Variants in TBCE observed in about 807,000 individuals in gnomAD.
TBCE encodes tubulin folding cofactor E.
A neutral mutation model predicts 77.0 loss-of-function variants in TBCE; 53 were observed. The observed-to-expected ratio is 0.69, with a 90% CI of 0.55 to 0.87. The LOEUF (loss-of-function observed/expected upper bound fraction) is 0.87, where lower values mean the gene tolerates loss of function less well. Ranked by LOEUF, TBCE falls within the 40% of genes least tolerant of loss-of-function variation. TBCE has a pLI of 0.00. For synonymous variants in TBCE, 235 were observed against 241.3 expected, an observed-to-expected ratio of 0.97 and a Z score of 0.24; for missense variants, 624 against 622.4, an observed-to-expected ratio of 1.00 and a Z score of -0.03.
At chr1:235,419,604 G>A in intron 5 of TBCE, 43 bp downstream of exon 5, 1 of 1,612,124 alleles carries the variant, frequency 6.2e-7, no homozygotes, top group Admixed American at 1.7e-5. Flanking sequence ...TCTGACTATG[G>A]ATTTTATACC....
At chr1:235,387,620 C>G (rs1408956243) in intron 2 of TBCE, among the ~76,000 whole-genome samples, 1 of 152,192 alleles carries the variant, frequency 6.6e-6, no homozygotes, top group Non-Finnish European at 1.5e-5. Flanking sequence ...GGGATATAAT[C>G]TCCTGGTGTG....
At chr1:235,441,938 C>G in intron 14 of TBCE, 56 bp downstream of exon 14, 2 of 1,483,818 alleles carry the variant, frequency 1.3e-6, no homozygotes, top group South Asian at 2.3e-5. Context: ...GGTGCTGAAA[C>G]AGTTAGTGTG....
intron 3 of TBCE, 37 bp downstream of exon 3, chr1:235,401,624 C>G: frequency 6.5e-7 from 1 of 1,527,516 alleles, no homozygotes; most frequent in African/African-American, 1.4e-5. Context: ...GTCATTTAGT[C>G]AAGATTATAT....
chr1:235,402,071 T>C (rs1374740523), intron 3 of TBCE, among the ~76,000 whole-genome samples: 7 of 150,500 alleles, frequency 4.7e-5, no homozygotes, highest in Non-Finnish European at 8.9e-5. Context: ...TTGTCTTTTT[T>C]TTTTTTTTTT....
chr1:235,445,892 C>T (rs901239548), intron 15 of TBCE, among the ~76,000 whole-genome samples: 1 of 152,208 alleles, frequency 6.6e-6, no homozygotes, highest in Non-Finnish European at 1.5e-5. Flanking sequence ...TGGAACCACA[C>T]AGCACACAAG....
At chr1:235,432,766 C>T (rs1026715628) in intron 7 of TBCE, among the ~76,000 whole-genome samples, 3 of 151,818 alleles carry the variant, frequency 2.0e-5, no homozygotes, top group African/African-American at 7.3e-5. Flanking sequence ...GCCTATAATT[C>T]CAGCCAGCAC....
intron 1 of TBCE, among the ~76,000 whole-genome samples, chr1:235,368,714 T>G (rs1236237412): frequency 6.6e-6 from 1 of 151,674 alleles, no homozygotes; most frequent in Non-Finnish European, 1.5e-5. Context: ...TGTGCCACCA[T>G]GCCCAGCTAA....
chr1:235,415,348 A>C (rs2102884567), intron 4 of TBCE: 1 of 152,448 alleles, frequency 6.6e-6, no homozygotes, highest in South Asian at 2.1e-4. Flanking sequence ...GTATATTGTG[A>C]CTTTGTACAA....
At chr1:235,384,501 A>G (rs1480301588) in intron 2 of TBCE, among the ~76,000 whole-genome samples, 3 of 146,462 alleles carry the variant, frequency 2.0e-5, no homozygotes, top group African/African-American at 5.1e-5. Flanking sequence ...AGAGCCTGTT[A>G]TTGGTCTATT....
Position 235,379,963 on chromosome 1 carries a change from A to T in TBCE, c.-31-56A>T, listed in dbSNP as rs1036590219. On this transcript the variant is annotated intron_variant, in intron 1 of 16. Transcript: ENST00000642610. ...ACTGTGCCTCAAAAAAAAAAAAAAAAATTCCTTTAAAGGAATTGTATTAAG... is the reference window on the plus strand; with the variant it reads ...ACTGTGCCTCAAAAAAAAAAAAAAATATTCCTTTAAAGGAATTGTATTAAG... 6.5e-6 allele frequency: 8 copies of T among 1,237,434 alleles called. No homozygotes were observed. The East Asian group carries it at 1.3e-4, about 20-fold the overall frequency. The allele number at this position is 1,237,434 out of a possible 1,614,324, so 76.7% of individuals were successfully genotyped here.
chr1:235,387,466 C>T (rs1306916514), intron 2 of TBCE, among the ~76,000 whole-genome samples: 1 of 152,222 alleles, frequency 6.6e-6, no homozygotes, highest in African/African-American at 2.4e-5. Flanking sequence ...TTCGAGCTTC[C>T]CGGCTGCTTT....
In TBCE at chr1:235,432,916, A is replaced by AAT. The variant is rs1553338926; in HGVS notation, c.661-1288_661-1287insAT. ...ATATAATATATAATAATTTTTTGTA[A>AAT]TTTTTTTTTTTGTAAAAAAAAAAAA... On this transcript the variant is annotated intron_variant, in intron 7 of 16. Transcript: ENST00000642610. 24 of 807,300 alleles carry AAT rather than the reference A, an allele frequency of 3.0e-5. No individual in the cohort carries two copies. In the African/African-American group the frequency reaches 4.0e-4, roughly 13 times the overall value. 50.0% of individuals were successfully genotyped at this position (807,300 alleles called of 1,614,324 possible). A position where few individuals can be genotyped will look rare whatever the true frequency, so the allele number is the denominator to read the frequency against.
At chr1:235,369,877 G>A (rs1676802965) in intron 1 of TBCE, among the ~76,000 whole-genome samples, 2 of 150,376 alleles carry the variant, frequency 1.3e-5, no homozygotes, top group African/African-American at 2.4e-5. Flanking sequence ...ATTATTCATC[G>A]AAGGTCCTAT....
intron 6 of TBCE, chr1:235,428,986 T>TATATA (rs71174430): frequency 2.7e-4 from 18 of 65,972 alleles, no homozygotes; most frequent in South Asian, 1.2e-3. Flanking sequence ...TATATATATA[T>TATATA]TTTTTTTTTT....
At chr1:235,439,949 A>C (rs925392972) in intron 13 of TBCE, among the ~76,000 whole-genome samples, 5 of 146,674 alleles carry the variant, frequency 3.4e-5, no homozygotes, top group African/African-American at 5.1e-5. Context: ...CTACAGGCGC[A>C]CACCACCATG....
intron 5 of TBCE, among the ~76,000 whole-genome samples, chr1:235,422,649 G>A (rs1197388862): frequency 1.3e-5 from 2 of 152,138 alleles, no homozygotes; most frequent in Non-Finnish European, 2.9e-5. Context: ...GGCCAACGCG[G>A]TGAAACCCCA....
In TBCE at chr1:235,448,762, A is replaced by ACAAC; in HGVS notation, c.*5_*8dup. The ACAAC allele has an allele frequency of 6.2e-7, 1 of 1,604,084 alleles. No homozygotes were observed. The highest frequency in any genetic ancestry group is 8.5e-7 in the Non-Finnish European group (1 of 1,171,140). On this transcript the variant is annotated 3_prime_UTR_variant, in exon 17 of 17. Coordinates refer to ENST00000642610, the MANE Select transcript of TBCE (RefSeq NM_003193.5). ...GAGATTGTCTATTAGTGCGATGGTG[A>ACAAC]CAACCAACTAATAAAATTTAAAGAC...
chr1:235,381,101 C>G (rs927656694), intron 2 of TBCE, among the ~76,000 whole-genome samples: 3 of 151,980 alleles, frequency 2.0e-5, no homozygotes, highest in African/African-American at 7.3e-5. Flanking sequence ...TTTCTATGAA[C>G]TGGGCAACTG....
chr1:235,436,621 C>G lies in TBCE; in HGVS notation c.963+13C>G, dbSNP rs370586565. On this transcript the variant is annotated intron_variant, in intron 11 of 16. Transcript: ENST00000642610. ...TCAGATATCACAAGTAAGAGCTGCTCGGAGTATGCCCAGCACACTGTTGCC... is the reference window on the plus strand; with the variant it reads ...TCAGATATCACAAGTAAGAGCTGCTGGGAGTATGCCCAGCACACTGTTGCC... 4 of 1,608,726 alleles carry G rather than the reference C, an allele frequency of 2.5e-6. 1 individual carries two copies. In the South Asian group the frequency reaches 3.3e-5, roughly 13 times the overall value.
Sources: allele counts gnomAD v4.1 joint callset (sites outside exome capture counted in the v4.1 genomes callset), GRCh38; gene constraint gnomAD v4.1.1; transcripts MANE v1.5; gene names NCBI Gene and HGNC (gene_info 2026-07-23, HGNC 2026-07-21).